The following CATSPER1 variants were observed in gnomAD, a reference collection of about 807,000 sequenced individuals.
CATSPER1 encodes cation channel sperm associated 1.
Under a neutral mutation model 72.7 loss-of-function variants are expected in CATSPER1, and 57 were observed. The ratio of observed to expected loss-of-function variants is 0.78; its 90% CI spans 0.63 to 0.98. The LOEUF (loss-of-function observed/expected upper bound fraction) is 0.98. CATSPER1 is among the 50% of genes least tolerant of loss of function. The probability of loss-of-function intolerance (pLI) is 0.00; values close to 1 mark genes in which losing one functional copy is unlikely to be tolerated. For missense variants in CATSPER1, 910 were observed against 1,033.9 expected (o/e 0.88, Z 1.64); for synonymous variants, 363 against 403.0 (o/e 0.90, Z 1.19).
Position 66,017,194 on chromosome 11 carries a change from T to TGGGGGGGGGGGGGGGGGGGGGGCC in CATSPER1, c.2202-21_2202-20insGGCCCCCCCCCCCCCCCCCCCCCC. Reference sequence around the variant, plus strand: ...TGCTGCCTGCGGGTGGGCGGGGGGGTCGCAGAGACAGGGGCTGGGCTGACC... The same window carrying TGGGGGGGGGGGGGGGGGGGGGGCC: ...TGCTGCCTGCGGGTGGGCGGGGGGGTGGGGGGGGGGGGGGGGGGGGGGCCCGCAGAGACAGGGGCTGGGCTGACC... On this transcript the variant is annotated intron_variant, in intron 10 of 11. Transcript: ENST00000312106. 1 of 550,268 alleles carries TGGGGGGGGGGGGGGGGGGGGGGCC rather than the reference T, an allele frequency of 1.8e-6. No homozygotes were observed. 34.1% of individuals were successfully genotyped at this position (550,268 alleles called of 1,614,324 possible).
intron 4 of CATSPER1, 127 bp from the exon 5 acceptor site, chr11:66,021,312 G>T: frequency 8.3e-7 from 1 of 1,204,038 alleles, no homozygotes; most frequent in Non-Finnish European, 1.2e-6. Flanking sequence ...GTGAGTCCTG[G>T]CCCCTCTCTG....
At position 66,020,217 on chromosome 11, in the gene CATSPER1, T is replaced by A. The variant is rs201528154; in HGVS notation, c.2065-17A>T. The A allele has an allele frequency of 1.2e-6, 2 of 1,614,018 alleles. No homozygotes were observed. The highest frequency in any genetic ancestry group is 1.1e-5 in the South Asian group (1 of 91,088). ...GGCGGCCCTCTGGGAAGAAGAGGCC[T>A]CAGATCTGCCAGAGTCCCAGGCCTG... On this transcript the variant is annotated splice_polypyrimidine_tract_variant and intron_variant, in intron 8 of 11. Transcript: ENST00000312106. The surrounding 1 kb of genome is among the most constrained non-coding windows in gnomAD (Gnocchi z 4.5).
At chr11:66,022,447 G>T (rs1275284945) in intron 2 of CATSPER1, among the ~76,000 whole-genome samples, 2 of 152,258 alleles carry the variant, frequency 1.3e-5, no homozygotes, top group Non-Finnish European at 2.9e-5. Flanking sequence ...AGCGAGCCGG[G>T]CAGCTCCTGT....
chr11:66,023,141 G>A (rs1482948011), intron 1 of CATSPER1, 80 bp from the exon 2 acceptor site: 6 of 1,326,584 alleles, frequency 4.5e-6, no homozygotes, highest in African/African-American at 4.3e-5. Flanking sequence ...CTGGCTCAGC[G>A]TCCATGGTCA....
At chr11:66,023,191 G>C (rs1181291175) in intron 1 of CATSPER1, 130 bp from the exon 2 acceptor site, 1 of 929,690 alleles carries the variant, frequency 1.1e-6, no homozygotes, top group Non-Finnish European at 1.7e-6. Flanking sequence ...CCGGGTTCAA[G>C]CAACTCTTGT....
chr11:66,017,066 T>C lies in CATSPER1; in HGVS notation c.2310A>G (p.Thr770=). The change falls in exon 11 of 12, where the codon ACA becomes ACG. Residue 770 remains threonine (T), a synonymous_variant. Transcript: ENST00000312106. ...AAVIDEIVDT[T]FEAGEEDFRN ...CCGCTCCTGCCTGGTTCACCTCAAA[T>C]GTGGTGTCCACAATCTCATCGATGA... 6.2e-7 allele frequency: 1 copy of C among 1,613,914 alleles called. No homozygotes were observed. Among genetic ancestry groups the C allele is most frequent in the East Asian group, 2.2e-5 (1 of 44,860 alleles).
chr11:66,021,842 G>A lies in CATSPER1; in HGVS notation c.1467C>T (p.Cys489=), dbSNP rs75366838. 8,333 of 1,614,100 alleles carry A rather than the reference G, an allele frequency of 5.2e-3. 344 individuals carry two copies. The African/African-American group carries it at 0.091, about 18-fold the overall frequency. ...TGAGCAGGGCTTCCACCACGTAGAT[G>A]CAGAAGAATATGGAGTCCAAGGCCA... ...YFMALDSIFF[C]IYVVEALLKI... The change falls in exon 3 of 12, where the codon TGC becomes TGT. Residue 489 remains cysteine, a synonymous_variant. Transcript: ENST00000312106.
rs751728743 is a variant in CATSPER1, at chr11:66,021,505, C to T, written c.1682G>A (p.Arg561Gln). Reference protein sequence around the residue: ...LRALRAIRVLRRLSFLTSVQE... With the variant: ...LRALRAIRVLQRLSFLTSVQE... ...AGCCGTGGCCACTGACCTGAGCCTCCGCAGGACCCGGATTGCCCTCAGGGC... is the reference window on the plus strand; with the variant it reads ...AGCCGTGGCCACTGACCTGAGCCTCTGCAGGACCCGGATTGCCCTCAGGGC... The change falls in exon 4 of 12, where the codon CGG becomes CAG. Residue 561 changes from arginine to glutamine, a missense_variant. Coordinates refer to ENST00000312106, the MANE Select transcript of CATSPER1 (RefSeq NM_053054.4). 2.5e-5 allele frequency: 41 copies of T among 1,613,284 alleles called. No homozygotes were observed. The highest frequency in any genetic ancestry group is 3.3e-4 in the Middle Eastern group (2 of 6,084).
At position 66,017,291 on chromosome 11, in the gene CATSPER1, A is replaced by G. The variant is rs1339788303; in HGVS notation, c.2202-117T>C. On this transcript the variant is annotated intron_variant, in intron 10 of 11. Transcript: ENST00000312106. ...TGCCTGCCTCCTCCCCACAAAATTT[A>G]TATGACTGCAGACCTGCATTTCCAG... 7.3e-6 allele frequency: 5 copies of G among 685,208 alleles called. No individual in the cohort carries two copies. In the Admixed American group the frequency reaches 9.0e-5, roughly 12 times the overall value. The allele number at this position is 685,208 out of a possible 1,614,324, so 42.4% of individuals were successfully genotyped here.
At position 66,020,007 on chromosome 11, in the gene CATSPER1, C is replaced by G; in HGVS notation, c.2125+133G>C. On this transcript the variant is annotated intron_variant, in intron 9 of 11. Coordinates refer to ENST00000312106, the MANE Select transcript of CATSPER1 (RefSeq NM_053054.4). This position sits in a 1 kb window ranked among gnomAD's most constrained non-coding sequence, Gnocchi z 4.5. ...TTCTAGGGTCCTCTGGACTAAAGTC[C>G]TCCTGAGTCTCAAATTCTAAAACTC... 1 of 885,972 alleles carries G rather than the reference C, an allele frequency of 1.1e-6. No homozygotes were observed. The highest frequency in any genetic ancestry group is 1.8e-6 in the Non-Finnish European group (1 of 564,880). 54.9% of individuals were successfully genotyped at this position (885,972 alleles called of 1,614,324 possible). A position where few individuals can be genotyped will look rare whatever the true frequency, so the allele number is the denominator to read the frequency against.
chr11:66,022,870 C>G lies in CATSPER1; in HGVS notation c.1408G>C (p.Ala470Pro). 6.2e-7 allele frequency: 1 copy of G among 1,614,188 alleles called. No homozygotes were observed. Among genetic ancestry groups the G allele is most frequent in the Non-Finnish European group, 8.5e-7 (1 of 1,180,050 alleles). The part of the protein sequence containing the change: ...NTVMLVAQTF[A>P]EVEIRGEWYF... ...TTACCGCCCCGGATCTCGACTTCAG[C>G]GAAGGTCTGGGCCACCAGCATGACG... is the stretch of plus-strand genomic sequence containing the variant. Residue 470 changes from alanine to proline, a missense_variant, in exon 2 of 12, where the codon GCT (alanine) becomes CCT (proline). Ala to Pro is a conservative substitution (Grantham distance 27). Transcript: ENST00000312106.
intron 10 of CATSPER1, 140 bp from the exon 11 acceptor site, chr11:66,017,314 C>A: frequency 1.6e-6 from 1 of 629,506 alleles, no homozygotes; most frequent in Non-Finnish European, 2.8e-6. Flanking sequence ...CCTGCATTTC[C>A]AGGAGGTCTC....
At position 66,022,854 on chromosome 11, in the gene CATSPER1, C is replaced by T. The variant is rs746921784; in HGVS notation, c.1424G>A (p.Arg475Gln). Residue 475 changes from arginine to glutamine, a missense_variant, in exon 2 of 12, where the codon CGG (arginine) becomes CAG (glutamine). By Grantham distance (43) the Arg-to-Gln change is conservative. Transcript: ENST00000312106. ...CAGGACTCCCTGGCTCTTACCGCCC[C>T]GGATCTCGACTTCAGCGAAGGTCTG... ...VAQTFAEVEI[R>Q]GEWYFMALDS... is the part of the protein sequence containing the mutation. 14 of 1,614,076 alleles carry T rather than the reference C, an allele frequency of 8.7e-6. No individual in the cohort carries two copies. Among genetic ancestry groups the T allele is most frequent in the African/African-American group, 1.3e-5 (1 of 74,936 alleles).
chr11:66,025,311 G>A lies in CATSPER1; in HGVS notation c.1069C>T (p.Arg357Trp), dbSNP rs764233008. ...GVFPYHVAHP[R>W]GSAHSMTRSS... ...CGAGTCATGCTGTGAGCCGAGCCCC[G>A]TGGGTGTGCTACGTGATAGGGGAAG... is the stretch of plus-strand genomic sequence containing the variant. The change falls in exon 1 of 12, where the codon CGG (arginine) becomes TGG (tryptophan). Residue 357 changes from arginine (R) to tryptophan (W), a missense_variant. Coordinates refer to ENST00000312106, the MANE Select transcript of CATSPER1 (RefSeq NM_053054.4). 37 of 1,614,092 alleles carry A rather than the reference G, an allele frequency of 2.3e-5. No individual in the cohort carries two copies. In the East Asian group the frequency reaches 2.7e-4, roughly 12 times the overall value.
Position 66,020,903 on chromosome 11 carries a change from C to G in CATSPER1, c.1835G>C (p.Arg612Pro). Residue 612 changes from arginine to proline, a missense_variant, in exon 6 of 12, where the codon CGC becomes CCC. Physicochemically the swap from Arg to Pro is moderately radical, Grantham distance 103. Coordinates refer to ENST00000312106, the MANE Select transcript of CATSPER1 (RefSeq NM_053054.4). The surrounding 1 kb of genome is among the most constrained non-coding windows in gnomAD (Gnocchi z 4.5). ...RALFRKSDPK[R>P]FQNIFTTIFT... is the part of the protein sequence containing the mutation. ...GATGGTGGTGAAGATGTTCTGGAAG[C>G]GCTTGGGGTCAGATTTGCGGAACAG... 1 of 1,614,046 alleles carries G rather than the reference C, an allele frequency of 6.2e-7. No homozygotes were observed. The highest frequency in any genetic ancestry group is 8.5e-7 in the Non-Finnish European group (1 of 1,180,030).
Position 66,025,826 on chromosome 11 carries a change from T to C in CATSPER1, c.554A>G (p.Asn185Ser), listed in dbSNP as rs982510891. The stretch of plus-strand genomic sequence containing the variant: ...GTGGTGGAAGGACTCACTGTAGGGA[T>C]TGGGTCCATGGGGGAGGTAGGACCC... ...HGGSYLPHGP[N>S]PYSESFHHSE... The change falls in exon 1 of 12, where the codon AAT (asparagine) becomes AGT (serine). Residue 185 changes from asparagine to serine, a missense_variant. By Grantham distance (46) the Asn-to-Ser change is conservative. Coordinates refer to ENST00000312106, the MANE Select transcript of CATSPER1 (RefSeq NM_053054.4). 1 of 1,611,188 alleles carries C rather than the reference T, an allele frequency of 6.2e-7. No homozygotes were observed. The highest frequency in any genetic ancestry group is 1.7e-5 in the Admixed American group (1 of 59,816).
chr11:66,021,442 G>A lies in CATSPER1; in HGVS notation c.1691+54C>T, dbSNP rs1344742003. On this transcript the variant is annotated intron_variant, in intron 4 of 11. Coordinates refer to ENST00000312106, the MANE Select transcript of CATSPER1 (RefSeq NM_053054.4). ...GTGGATTTCTTTGGGGCCCTGGTCT[G>A]TGTCCCCTCTTCCTTTGGAGTCCCC... 6.9e-6 allele frequency: 11 copies of A among 1,598,850 alleles called. 1 individual carries two copies. In the South Asian group the frequency reaches 1.0e-4, roughly 15 times the overall value.
intron 2 of CATSPER1, 122 bp from the exon 3 acceptor site, chr11:66,022,001 C>T (rs991329414): frequency 7.9e-6 from 6 of 760,726 alleles, no homozygotes; most frequent in Admixed American, 3.9e-5. Context: ...TAAGCAGCTG[C>T]GCGACTTCAC....
intron 1 of CATSPER1, among the ~76,000 whole-genome samples, chr11:66,024,440 G>A (rs1590686891): frequency 2.6e-5 from 4 of 151,642 alleles, no homozygotes; most frequent in South Asian, 4.2e-4. Flanking sequence ...ACCACGCCCA[G>A]CTAATTTTTG....
Sources: gnomAD v4.1 joint callset for allele counts (sites outside exome capture counted in the v4.1 genomes callset) on GRCh38, gnomAD v4.1.1 for gene constraint, Gnocchi (gnomAD v3.1) non-coding constraint, MANE v1.5 for transcripts, NCBI Gene and HGNC (gene_info 2026-07-23, HGNC 2026-07-21) for gene names.